The following GALNT18 variants were observed in gnomAD, a reference collection of about 807,000 sequenced individuals.
The protein encoded by GALNT18 is polypeptide N-acetylgalactosaminyltransferase 18, also known as GalNAc-transferase 18.
GALNT18 carries 44 observed loss-of-function variants against 69.5 expected under a neutral mutation model. The ratio of observed to expected loss-of-function variants is 0.63; its 90% confidence interval spans 0.50 to 0.81. The LOEUF is 0.81. GALNT18 is among the 40% of genes least tolerant of loss of function. The pLI is 0.00. For missense variants in GALNT18, 715 were observed against 810.0 expected (o/e 0.88, Z 1.42); for synonymous variants, 364 against 318.2 (o/e 1.14, Z -1.53).
rs1854491151 is a variant in GALNT18 at position 11,402,525 on chromosome 11, G to T, written c.596-23261C>A. On this transcript the variant is annotated intron_variant, in intron 3 of 10. Transcript: ENST00000227756. This position sits in a 1 kb window ranked among gnomAD's most constrained non-coding sequence, Gnocchi z 4.0. ...AGCTTCTTTTGTCAAGGTGTCCATA[G>T]GCCTCTGCTCAGGGCATGGAGTTAT... Among the ~76,000 whole-genome samples the T allele has an allele frequency of 6.6e-6, 1 of 152,202 alleles. No individual in the cohort carries two copies. The highest frequency in any genetic ancestry group is 2.4e-5 in the African/African-American group (1 of 41,440).
At chr11:11,379,371 G>A (rs1853854682) in intron 3 of GALNT18, 107 bp from the exon 4 acceptor site, 4 of 1,120,988 alleles carry the variant, frequency 3.6e-6, no homozygotes, top group Admixed American at 4.6e-5. Context: ...AAGGCTGGGG[G>A]ACCCATTCCC....
chr11:11,442,645 C>T (rs1005086205), intron 2 of GALNT18, among the ~76,000 whole-genome samples: 1 of 152,228 alleles, frequency 6.6e-6, no homozygotes, highest in African/African-American at 2.4e-5. Context: ...CTTCTTATCA[C>T]TTTGGTGCTC....
intron 1 of GALNT18, among the ~76,000 whole-genome samples, chr11:11,519,304 C>G (rs1472509172): frequency 6.6e-6 from 1 of 152,136 alleles, no homozygotes; most frequent in Non-Finnish European, 1.5e-5. Context: ...CCTTGGCTAG[C>G]AAAAGGGGGG....
rs566044217 is a variant in GALNT18, at chr11:11,466,999, C to T, written c.236-18063G>A. 2.0e-5 allele frequency among the ~76,000 whole-genome samples: 3 copies of T among 152,312 alleles called. No individual in the cohort carries two copies. The South Asian group carries it at 6.2e-4, about 32-fold the overall frequency. On this transcript the variant is annotated intron_variant, in intron 1 of 10. Coordinates refer to ENST00000227756, the MANE Select transcript of GALNT18 (RefSeq NM_198516.3). Reference sequence around the variant, plus strand: ...ACTGGGAGTCAGAAGCCCTGATTAACAGCTACATGTGTCTTTGATTAATAA... The same window carrying T: ...ACTGGGAGTCAGAAGCCCTGATTAATAGCTACATGTGTCTTTGATTAATAA...
chr11:11,364,302 G>A (rs1850707035), intron 6 of GALNT18, among the ~76,000 whole-genome samples: 1 of 152,184 alleles, frequency 6.6e-6, no homozygotes, highest in African/African-American at 2.4e-5. Flanking sequence ...CAGCAATGAT[G>A]GTTAGCATCA....
chr11:11,306,671 C>G (rs1278576535), intron 9 of GALNT18, among the ~76,000 whole-genome samples: 4 of 152,168 alleles, frequency 2.6e-5, no homozygotes, highest in African/African-American at 9.7e-5. Flanking sequence ...CAGATGAGCA[C>G]TCAATATTTT....
chr11:11,289,959 G>A (rs16909341), intron 10 of GALNT18, among the ~76,000 whole-genome samples: 16,696 of 152,162 alleles, frequency 0.11, 1,220 homozygotes, highest in East Asian at 0.22. Context: ...AAGAGGGCTG[G>A]AGGCTTACTT....
At position 11,423,780 on chromosome 11, in the gene GALNT18, AC is replaced by A. The variant is rs765013454; in HGVS notation, c.595+8840del. Reference sequence around the variant, plus strand: ...CGCTGAAACCAAACAGTCAAATCGCACCTCTGTAACTCTGGACAAATTCCTT... The same window carrying A: ...CGCTGAAACCAAACAGTCAAATCGCACTCTGTAACTCTGGACAAATTCCTT... On this transcript the variant is annotated intron_variant, in intron 3 of 10. Transcript: ENST00000227756. 3.0e-4 allele frequency among the ~76,000 whole-genome samples: 45 copies of A among 152,244 alleles called. 1 individual carries two copies. Among genetic ancestry groups the A allele is most frequent in the African/African-American group, 1.0e-3 (43 of 41,530 alleles).
intron 3 of GALNT18, among the ~76,000 whole-genome samples, chr11:11,405,646 G>A (rs1854572449): frequency 6.6e-6 from 1 of 152,210 alleles, no homozygotes; most frequent in South Asian, 2.1e-4. Context: ...TTAGAGAGAC[G>A]CGCCGAATGC....
rs199719981 is a variant in GALNT18, at chr11:11,603,132, T to C, written c.235+18227A>G. ...ATGTCTTCCCATCAACTACTTCAATTTGTGTTTGGTGCTTCTCCCAAGACA... is the reference window on the plus strand; with the variant it reads ...ATGTCTTCCCATCAACTACTTCAATCTGTGTTTGGTGCTTCTCCCAAGACA... On this transcript the variant is annotated intron_variant, in intron 1 of 10. Coordinates refer to ENST00000227756, the MANE Select transcript of GALNT18 (RefSeq NM_198516.3). This position sits in a 1 kb window ranked among gnomAD's most constrained non-coding sequence, Gnocchi z 4.5. Among the ~76,000 whole-genome samples the C allele has an allele frequency of 2.0e-5, 3 of 152,218 alleles. No individual in the cohort carries two copies. The East Asian group carries it at 5.8e-4, about 29-fold the overall frequency.
intron 8 of GALNT18, among the ~76,000 whole-genome samples, chr11:11,328,282 C>G (rs541630579): frequency 2.6e-5 from 4 of 152,212 alleles, no homozygotes; most frequent in African/African-American, 9.7e-5. Flanking sequence ...CTTTACCCCC[C>G]TCACCTTAAC....
At chr11:11,325,909 G>T (rs1009463729) in intron 9 of GALNT18, among the ~76,000 whole-genome samples, 6 of 152,078 alleles carry the variant, frequency 3.9e-5, no homozygotes, top group Admixed American at 1.3e-4. Flanking sequence ...CCCTGGGAAG[G>T]CTCAGCATTC....
chr11:11,271,272 G>T lies in GALNT18; in HGVS notation c.1696C>A (p.Arg566Ser), dbSNP rs1459308782. The T allele has an allele frequency of 1.2e-6, 2 of 1,614,044 alleles. No homozygotes were observed. Among genetic ancestry groups the T allele is most frequent in the East Asian group, 2.2e-5 (1 of 44,872 alleles). The part of the protein sequence containing the change: ...QFSQGGPIQN[R>S]KSKRCLELQE... ...AGCTCCAGACAGCGCTTAGACTTGC[G>T]GTTCTGGATGGGTCCTCCCTAGGGG... Residue 566 changes from arginine to serine, a missense_variant, in exon 11 of 11, where the codon CGC becomes AGC. Transcript: ENST00000227756.
rs61870387 is a variant in GALNT18 at position 11,584,322 on chromosome 11, C to A, written c.235+37037G>T. Reference sequence around the variant, plus strand: ...AGAAAAATAAATAAATAACACCTTGCAAACACAAGGGGACAGTTTGTATTT... The same window carrying A: ...AGAAAAATAAATAAATAACACCTTGAAAACACAAGGGGACAGTTTGTATTT... On this transcript the variant is annotated intron_variant, in intron 1 of 10. Transcript: ENST00000227756. The surrounding 1 kb of genome is among the most constrained non-coding windows in gnomAD (Gnocchi z 4.1). Among the ~76,000 whole-genome samples the A allele has an allele frequency of 0.13, 19,710 of 152,154 alleles. 1,349 individuals carry two copies. Among genetic ancestry groups the A allele is most frequent in the Admixed American group, 0.18 (2,725 of 15,274 alleles).
chr11:11,330,929 C>G (rs1051682220), intron 8 of GALNT18, among the ~76,000 whole-genome samples: 14 of 152,216 alleles, frequency 9.2e-5, no homozygotes, highest in African/African-American at 3.1e-4. Flanking sequence ...CTGCTGAGAA[C>G]ATGAATCCAG....
chr11:11,566,853 C>T (rs993091984), intron 1 of GALNT18, among the ~76,000 whole-genome samples: 6 of 152,168 alleles, frequency 3.9e-5, no homozygotes, highest in African/African-American at 9.7e-5. Context: ...GACCTAGCAC[C>T]GGCTTGTTTT....
At chr11:11,609,163 T>A (rs1030286001) in intron 1 of GALNT18, among the ~76,000 whole-genome samples, 1 of 152,250 alleles carries the variant, frequency 6.6e-6, no homozygotes, top group Non-Finnish European at 1.5e-5. Flanking sequence ...CCTGCACTGA[T>A]GCCTCTCTGC....
chr11:11,292,130 T>C (rs552739695), intron 10 of GALNT18, among the ~76,000 whole-genome samples: 10 of 152,286 alleles, frequency 6.6e-5, no homozygotes, highest in African/African-American at 2.4e-4. Flanking sequence ...CGAACTTCCC[T>C]GGGAGTGTCC....
chr11:11,368,940 G>A (rs896900181), intron 6 of GALNT18, among the ~76,000 whole-genome samples: 7 of 152,168 alleles, frequency 4.6e-5, no homozygotes, highest in Non-Finnish European at 8.8e-5. Context: ...CTCTCCCTGT[G>A]GGAATTGTGT....
Sources: gnomAD v4.1 joint callset for allele counts (sites outside exome capture counted in the v4.1 genomes callset) on GRCh38, gnomAD v4.1.1 for gene constraint, Gnocchi (gnomAD v3.1) non-coding constraint, MANE v1.5 for transcripts, NCBI Gene and HGNC (gene_info 2026-07-23, HGNC 2026-07-21) for gene names.